Variants in MSRA observed in about 807,000 individuals in gnomAD.
MSRA encodes mitochondrial peptide methionine sulfoxide reductase.
Under a neutral mutation model 31.3 loss-of-function variants are expected in MSRA, and 54 were observed. The observed-to-expected ratio is 1.73, with a 90% CI of 1.39 to 2.17. The LOEUF is 2.17. Among genes scored for constraint, MSRA ranks in the 30% most tolerant of loss-of-function variants. The pLI is 0.00. For missense variants in MSRA, 507 were observed against 300.9 expected (o/e 1.69, Z -5.07); for synonymous variants, 169 against 116.5 (o/e 1.45, Z -2.90).
At chr8:10,105,768 G>C (rs974122168) in intron 1 of MSRA, among the ~76,000 whole-genome samples, 2 of 152,152 alleles carry the variant, frequency 1.3e-5, no homozygotes, top group Non-Finnish European at 2.9e-5. Flanking sequence ...TGTGGCTGAG[G>C]CTCCTTGTGT....
At chr8:10,359,922 G>C (rs566513232) in intron 5 of MSRA, among the ~76,000 whole-genome samples, 1 of 152,324 alleles carries the variant, frequency 6.6e-6, no homozygotes, top group East Asian at 1.9e-4. Context: ...AAACTGTGCA[G>C]CTGGCCCTCT....
intron 1 of MSRA, among the ~76,000 whole-genome samples, chr8:10,088,071 T>A (rs1387013086): frequency 6.6e-6 from 1 of 152,144 alleles, no homozygotes; most frequent in African/African-American, 2.4e-5. Context: ...TTAGGGCTCC[T>A]TGGAAGGAAG....
chr8:10,126,838 G>C (rs748395896), intron 1 of MSRA, among the ~76,000 whole-genome samples: 9 of 152,162 alleles, frequency 5.9e-5, no homozygotes, highest in Non-Finnish European at 5.9e-5. Context: ...GAGTGCACAC[G>C]TGCTTAGATA....
chr8:10,224,980 A>G (rs1585211072), intron 2 of MSRA, among the ~76,000 whole-genome samples: 1 of 152,266 alleles, frequency 6.6e-6, no homozygotes, highest in South Asian at 2.1e-4. Context: ...TCTACTATAA[A>G]TACAAAAATA....
chr8:10,105,679 C>A (rs548857949), intron 1 of MSRA, among the ~76,000 whole-genome samples: 1 of 152,064 alleles, frequency 6.6e-6, no homozygotes, highest in Non-Finnish European at 1.5e-5. Context: ...TAAGCACTTT[C>A]TCCTTCCCCT....
chr8:10,074,058 CTTTTTTTTTTTTTTTTTT>C (rs534642712), intron 1 of MSRA, among the ~76,000 whole-genome samples: 513 of 29,432 alleles, frequency 0.017, 7 homozygotes, highest in African/African-American at 0.056. Flanking sequence ...AAGGGAGGTG[CTTTTTTTTTTTTTTTTTT>C]TTTTTTTTTT....
intron 1 of MSRA, among the ~76,000 whole-genome samples, chr8:10,163,802 C>G (rs1804878121): frequency 1.3e-5 from 2 of 152,362 alleles, no homozygotes; most frequent in Non-Finnish European, 2.9e-5. Flanking sequence ...AGGCCCTACC[C>G]AGATGGACAC....
chr8:10,168,689 G>A (rs1164745300), intron 1 of MSRA, among the ~76,000 whole-genome samples: 1 of 152,080 alleles, frequency 6.6e-6, no homozygotes, highest in Non-Finnish European at 1.5e-5. Context: ...GCTGGGATTC[G>A]ACCACACTTC....
intron 1 of MSRA, among the ~76,000 whole-genome samples, chr8:10,115,871 A>G (rs1331404466): frequency 1.3e-5 from 2 of 152,246 alleles, no homozygotes; most frequent in African/African-American, 4.8e-5. Flanking sequence ...GAAAACACAC[A>G]AAAATGTAAA....
chr8:10,229,604 C>G (rs1360087594), intron 2 of MSRA, among the ~76,000 whole-genome samples: 1 of 152,004 alleles, frequency 6.6e-6, no homozygotes, highest in Admixed American at 6.6e-5. Flanking sequence ...GGCAGGGAGC[C>G]TAAGAGAACA....
chr8:10,162,055 C>T, intron 1 of MSRA, among the ~76,000 whole-genome samples: 1 of 152,170 alleles, frequency 6.6e-6, no homozygotes, highest in South Asian at 2.1e-4. Flanking sequence ...CTGTGAGACA[C>T]AGCCCGTGAC....
chr8:10,198,574 A>T (rs1367117245), intron 1 of MSRA, among the ~76,000 whole-genome samples: 2 of 152,154 alleles, frequency 1.3e-5, no homozygotes, highest in Non-Finnish European at 2.9e-5. Context: ...TACAGTAGCT[A>T]TTTATAATTG....
chr8:10,211,371 C>T (rs1340001339), intron 2 of MSRA, among the ~76,000 whole-genome samples: 1 of 152,140 alleles, frequency 6.6e-6, no homozygotes. Flanking sequence ...TTTCTGCCCC[C>T]ATCATTCTTA....
At chr8:10,163,976 A>G (rs1451890093) in intron 1 of MSRA, among the ~76,000 whole-genome samples, 1 of 152,256 alleles carries the variant, frequency 6.6e-6, no homozygotes, top group Non-Finnish European at 1.5e-5. Flanking sequence ...GACAGTAATA[A>G]TGTTGGGCCC....
intron 1 of MSRA, among the ~76,000 whole-genome samples, chr8:10,176,241 G>T (rs1412245402): frequency 3.9e-5 from 6 of 152,224 alleles, no homozygotes; most frequent in Non-Finnish European, 7.3e-5. Context: ...AGGAGAGCCT[G>T]CCTGTGGAAA....
intron 1 of MSRA, among the ~76,000 whole-genome samples, chr8:10,156,809 C>CTT (rs58761026): frequency 0.19 from 24,092 of 124,734 alleles, 2,751 homozygotes; most frequent in East Asian, 0.47. Context: ...AGCTTCATTC[C>CTT]TTTTTTTTTT....
Position 10,384,306 on chromosome 8 carries a change from C to G in MSRA, c.544-43842C>G, listed in dbSNP as rs574967348. ...CGTCAAATCCATTGAGAGATGCTGT[C>G]AGACACTCTGCCTGTGCTAGGAATG... On this transcript the variant is annotated intron_variant, in intron 5 of 5. Transcript: ENST00000317173. Among the ~76,000 whole-genome samples, 5 of 152,352 alleles carry G rather than the reference C, an allele frequency of 3.3e-5. No individual in the cohort carries two copies. In the East Asian group the frequency reaches 7.7e-4, roughly 24 times the overall value.
intron 1 of MSRA, among the ~76,000 whole-genome samples, chr8:10,098,170 T>G (rs927616612): frequency 1.1e-4 from 16 of 152,176 alleles, no homozygotes; most frequent in Non-Finnish European, 2.1e-4. Flanking sequence ...ATTAACTATT[T>G]CCATATTAGT....
intron 1 of MSRA, among the ~76,000 whole-genome samples, chr8:10,149,943 C>G (rs1803519165): frequency 3.6e-4 from 2 of 5,484 alleles, no homozygotes; most frequent in African/African-American, 7.2e-4. Flanking sequence ...TGTCAATTTA[C>G]AAATAGTTGC....
Sources: allele counts gnomAD v4.1 joint callset (sites outside exome capture counted in the v4.1 genomes callset), GRCh38; gene constraint gnomAD v4.1.1; transcripts MANE v1.5; gene names NCBI Gene and HGNC (gene_info 2026-07-23, HGNC 2026-07-21).